The following GNG2 variants were observed in gnomAD, a reference collection of about 807,000 sequenced individuals.
GNG2 encodes G protein subunit gamma 2, also known as guanine nucleotide-binding protein G(I)/G(S)/G(O) subunit gamma-2.
A neutral mutation model predicts 5.5 loss-of-function variants in GNG2; 5 were observed. That is an observed-to-expected ratio of 0.91 (90% CI 0.48 to 1.92). The LOEUF is 1.92. GNG2 is among the 30% of genes most tolerant of loss of function. GNG2 has a pLI of 0.01. For missense variants in GNG2, 55 were observed against 88.4 expected, an observed-to-expected ratio of 0.62 and a Z score of 1.52; for synonymous variants, 28 against 32.0, an observed-to-expected ratio of 0.88 and a Z score of 0.42.
At chr14:51,907,766 A>C (rs137930822) in intron 2 of GNG2, among the ~76,000 whole-genome samples, 100 of 152,334 alleles carry the variant, frequency 6.6e-4, no homozygotes, top group Non-Finnish European at 1.2e-3. Context: ...CCTTGGATTC[A>C]GTCCCCCTCT....
In GNG2 at chr14:51,925,588, G is replaced by T. The variant is rs148306584; in HGVS notation, c.-29-25062G>T. 9.6e-4 allele frequency among the ~76,000 whole-genome samples: 146 copies of T among 152,230 alleles called. 2 individuals carry two copies. The highest frequency in any genetic ancestry group is 3.3e-3 in the African/African-American group (139 of 41,546). ...GGGCCTGCTCCTCAAATTCTCTTAT[G>T]CAAGACCTGACATTGAAGTCTTTTC... On this transcript the variant is annotated intron_variant, in intron 2 of 3. Transcript: ENST00000556766.
At chr14:51,853,237 A>G (rs73291047) in intron 2 of GNG2, among the ~76,000 whole-genome samples, 4,256 of 152,304 alleles carry the variant, frequency 0.028, 187 homozygotes, top group African/African-American at 0.094. Context: ...CGCAATGTAC[A>G]AAGTGCTGTG....
At chr14:51,869,594 C>T (rs1214356900) in intron 1 of GNG2, among the ~76,000 whole-genome samples, 1 of 152,150 alleles carries the variant, frequency 6.6e-6, no homozygotes, top group African/African-American at 2.4e-5. Context: ...CTCATTGCAG[C>T]CTCAGCCTGC....
chr14:51,959,639 CA>C (rs1011121279), intron 3 of GNG2, among the ~76,000 whole-genome samples: 1 of 150,996 alleles, frequency 6.6e-6, no homozygotes, highest in African/African-American at 2.4e-5. Flanking sequence ...GAGTACTGTT[CA>C]CAACACAGCA....
chr14:51,942,888 C>G (rs1320726758), intron 2 of GNG2, among the ~76,000 whole-genome samples: 7 of 152,078 alleles, frequency 4.6e-5, no homozygotes. Flanking sequence ...CTGGCAACTA[C>G]TGGGCTCACA....
At chr14:51,841,664 G>A (rs1464584679) in intron 2 of GNG2, 8 of 650,922 alleles carry the variant, frequency 1.2e-5, no homozygotes, top group Non-Finnish European at 2.2e-5. Flanking sequence ...ACATGAAAAG[G>A]GAAGGGTAGG....
intron 2 of GNG2, chr14:51,917,296 G>A (rs1693198): frequency 0.064 from 29,224 of 454,752 alleles, 1,867 homozygotes; most frequent in East Asian, 0.31. Context: ...CCACGAAGAG[G>A]GATAGGGAAG....
chr14:51,852,138 T>C (rs975970553), intron 2 of GNG2, among the ~76,000 whole-genome samples: 1 of 152,184 alleles, frequency 6.6e-6, no homozygotes, highest in African/African-American at 2.4e-5. Flanking sequence ...TGACCATAAC[T>C]GATCTTGAGC....
intron 2 of GNG2, among the ~76,000 whole-genome samples, chr14:51,828,025 T>C (rs1383950887): frequency 6.6e-6 from 1 of 151,916 alleles, no homozygotes; most frequent in Non-Finnish European, 1.5e-5. Context: ...CCATATGCCT[T>C]GGGGGCAGTG....
intron 2 of GNG2, among the ~76,000 whole-genome samples, chr14:51,930,268 C>G (rs540840190): frequency 6.6e-6 from 1 of 152,232 alleles, no homozygotes; most frequent in Admixed American, 6.5e-5. Context: ...TCCGGCCCAT[C>G]CACATTTCTT....
At chr14:51,928,026 C>CTTT (rs35561589) in intron 2 of GNG2, among the ~76,000 whole-genome samples, 11 of 103,056 alleles carry the variant, frequency 1.1e-4, no homozygotes, top group South Asian at 3.2e-4. Flanking sequence ...CTCTCTCTCT[C>CTTT]TTTTTTTTTT....
At chr14:51,914,505 A>G in intron 2 of GNG2, among the ~76,000 whole-genome samples, 1 of 152,234 alleles carries the variant, frequency 6.6e-6, no homozygotes, top group Non-Finnish European at 1.5e-5. Flanking sequence ...GTGTAGAATT[A>G]CCTAATAGTA....
At chr14:51,866,055 T>A (rs1307138877) in intron 1 of GNG2, among the ~76,000 whole-genome samples, 1 of 152,216 alleles carries the variant, frequency 6.6e-6, no homozygotes. Flanking sequence ...TCAGCCCCTT[T>A]ATCTCTTGGC....
At chr14:51,834,305 C>T (rs1033776062) in intron 2 of GNG2, among the ~76,000 whole-genome samples, 2 of 152,232 alleles carry the variant, frequency 1.3e-5, no homozygotes, top group Admixed American at 1.3e-4. Context: ...GCACTTGGCT[C>T]CCGAGCTGTG....
chr14:51,826,702 AAT>A (rs1325741555), intron 1 of GNG2, among the ~76,000 whole-genome samples: 1 of 152,172 alleles, frequency 6.6e-6, no homozygotes, highest in Admixed American at 6.5e-5. Context: ...GATGGAGTAA[AAT>A]ATAGAAAGAA....
At chr14:51,899,316 A>G (rs1402468424) in intron 2 of GNG2, among the ~76,000 whole-genome samples, 2 of 151,764 alleles carry the variant, frequency 1.3e-5, no homozygotes, top group Admixed American at 6.6e-5. Context: ...AGCCAGCCCT[A>G]CTCCCTTGAG....
At chr14:51,827,085 A>G (rs550345710) in intron 1 of GNG2, among the ~76,000 whole-genome samples, 11 of 152,330 alleles carry the variant, frequency 7.2e-5, no homozygotes, top group African/African-American at 2.6e-4. Context: ...CGGTGACAGC[A>G]GCAGTTCCCA....
intron 2 of GNG2, chr14:51,940,428 G>A (rs1012286994): frequency 1.1e-4 from 17 of 152,226 alleles, no homozygotes; most frequent in African/African-American, 4.1e-4. Flanking sequence ...GTCCATGCCT[G>A]TTGGTATAGA....
At chr14:51,953,532 A>G (rs1889105178) in intron 3 of GNG2, among the ~76,000 whole-genome samples, 1 of 152,218 alleles carries the variant, frequency 6.6e-6, no homozygotes, top group Non-Finnish European at 1.5e-5. Context: ...GGGTGTGAGT[A>G]GTTGCCTTCC....
Sources: allele counts gnomAD v4.1 joint callset (sites outside exome capture counted in the v4.1 genomes callset), GRCh38; gene constraint gnomAD v4.1.1; transcripts MANE v1.5; gene names NCBI Gene and HGNC (gene_info 2026-07-23, HGNC 2026-07-21).